Variants in PCDH15 observed in about 807,000 individuals in gnomAD.
PCDH15 encodes protocadherin related 15.
A neutral mutation model predicts 178.5 loss-of-function variants in PCDH15; 129 were observed. The observed-to-expected ratio is 0.72, with a 90% CI of 0.63 to 0.84. The LOEUF (loss-of-function observed/expected upper bound fraction) is 0.84, where lower values mean the gene tolerates loss of function less well. Among genes scored for constraint, PCDH15 ranks in the 40% least tolerant of loss-of-function variants. The probability of loss-of-function intolerance (pLI) is 0.00; values close to 1 mark genes in which losing one functional copy is unlikely to be tolerated. For synonymous variants in PCDH15, 800 were observed against 732.0 expected (o/e 1.09, Z -1.50); for missense variants, 2,230 against 2,099.9 (o/e 1.06, Z -1.21).
chr10:54,541,840 G>A lies in PCDH15; in HGVS notation c.92-13963C>T, dbSNP rs558220349. Among the ~76,000 whole-genome samples, 12 of 152,072 alleles carry A rather than the reference G, an allele frequency of 7.9e-5. No individual in the cohort carries two copies. The South Asian group carries it at 2.5e-3, about 32-fold the overall frequency. ...TGATTCTTACTAAGACACTCAACAA[G>A]GTCAAAAGATAAAAGCTGCAGAATC... is the stretch of plus-strand genomic sequence containing the variant. On this transcript the variant is annotated intron_variant, in intron 2 of 37. Transcript: ENST00000644397.
Position 55,185,159 on chromosome 10 carries a change from G to T in PCDH15, c.-155-18508C>A, listed in dbSNP as rs149565957. 1.7e-3 allele frequency among the ~76,000 whole-genome samples: 257 copies of T among 151,862 alleles called. 2 individuals carry two copies. Among genetic ancestry groups the T allele is most frequent in the South Asian group, 0.015 (73 of 4,828 alleles). ...AAACCAATAAACTGAAATTGTATTT[G>T]GAATTTAATAGAAACTGTTTTGTAA... is the stretch of plus-strand genomic sequence containing the variant. On this transcript the variant is annotated intron_variant, in intron 1 of 5. Coordinates refer to the PCDH15 transcript ENST00000458638.
chr10:54,189,643 A>G (rs1230107772), intron 11 of PCDH15, among the ~76,000 whole-genome samples: 1 of 152,158 alleles, frequency 6.6e-6, no homozygotes, highest in Non-Finnish European at 1.5e-5. Flanking sequence ...AAGCAGAGAA[A>G]CAAATTTACA....
chr10:54,297,889 C>T (rs1444209482), intron 8 of PCDH15, among the ~76,000 whole-genome samples: 4 of 152,120 alleles, frequency 2.6e-5, no homozygotes, highest in Admixed American at 1.3e-4. Flanking sequence ...AAGAATGTGG[C>T]TTTAGCTGCA....
chr10:55,415,097 A>G (rs1838444593), intron 2 of PCDH15, among the ~76,000 whole-genome samples: 1 of 151,610 alleles, frequency 6.6e-6, no homozygotes, highest in African/African-American at 2.4e-5. Flanking sequence ...TTTTGTGCCT[A>G]ATTTAACAAG....
chr10:55,283,169 G>A (rs1203610657), intron 1 of PCDH15, among the ~76,000 whole-genome samples: 1 of 152,058 alleles, frequency 6.6e-6, no homozygotes, highest in Non-Finnish European at 1.5e-5. Context: ...ATCAGTGTTT[G>A]AGATATTTCG....
intron 2 of PCDH15, among the ~76,000 whole-genome samples, chr10:55,505,429 T>A (rs1589090308): frequency 6.6e-6 from 1 of 151,442 alleles, no homozygotes; most frequent in African/African-American, 2.4e-5. Context: ...AAGACTAATA[T>A]AAAATAATTT....
At chr10:54,104,361 A>T (rs2094869488) in intron 15 of PCDH15, among the ~76,000 whole-genome samples, 1 of 152,146 alleles carries the variant, frequency 6.6e-6, no homozygotes, top group Non-Finnish European at 1.5e-5. Flanking sequence ...CCCTCACTTT[A>T]ACAGGGGACA....
intron 2 of PCDH15, among the ~76,000 whole-genome samples, chr10:54,608,439 A>G (rs2092844285): frequency 6.6e-6 from 1 of 151,950 alleles, no homozygotes; most frequent in Admixed American, 6.6e-5. Context: ...AAACCTCATC[A>G]CTACAGATAA....
At chr10:54,235,093 G>C (rs547762338) in intron 9 of PCDH15, among the ~76,000 whole-genome samples, 1 of 152,272 alleles carries the variant, frequency 6.6e-6, no homozygotes, top group Admixed American at 6.5e-5. Flanking sequence ...AACTTCCTCA[G>C]CTTCTGTAAG....
At chr10:54,941,405 C>A (rs1838059564) in intron 2 of PCDH15, among the ~76,000 whole-genome samples, 1 of 152,028 alleles carries the variant, frequency 6.6e-6, no homozygotes, top group African/African-American at 2.4e-5. Context: ...AACATCTGTA[C>A]TTTTCAATTC....
chr10:54,159,746 T>A (rs1388404180), intron 13 of PCDH15, among the ~76,000 whole-genome samples: 8 of 152,290 alleles, frequency 5.3e-5, no homozygotes, highest in African/African-American at 1.7e-4. Context: ...AGTGGTAGAA[T>A]TGTCCCTGTA....
intron 3 of PCDH15, among the ~76,000 whole-genome samples, chr10:54,487,920 G>A (rs142936035): frequency 6.6e-6 from 1 of 151,850 alleles, no homozygotes; most frequent in Non-Finnish European, 1.5e-5. Flanking sequence ...TATGCAAAAT[G>A]CTGATAAGCA....
intron 13 of PCDH15, among the ~76,000 whole-genome samples, chr10:54,176,974 A>G (rs938191117): frequency 8.5e-5 from 13 of 152,068 alleles, no homozygotes; most frequent in African/African-American, 2.7e-4. Context: ...AAAACTTAGC[A>G]TGGATGATTA....
At chr10:54,101,610 T>C (rs916166062) in intron 15 of PCDH15, among the ~76,000 whole-genome samples, 24 of 151,936 alleles carry the variant, frequency 1.6e-4, no homozygotes, top group Non-Finnish European at 7.4e-5. Flanking sequence ...AATGACAAAG[T>C]GAGGAGCTAC....
chr10:55,019,326 A>T lies in PCDH15; in HGVS notation c.-79-121826T>A, dbSNP rs1840267251. ...CACTTCAAACATAATACAACATTTG[A>T]ACTCATGTGTTTTTGTTTGTTTGTT... is the stretch of plus-strand genomic sequence containing the variant. On this transcript the variant is annotated intron_variant, in intron 2 of 5. Coordinates refer to the PCDH15 transcript ENST00000458638. Among the ~76,000 whole-genome samples, 4 of 152,094 alleles carry T rather than the reference A, an allele frequency of 2.6e-5. No individual in the cohort carries two copies. The South Asian group carries it at 8.3e-4, about 31-fold the overall frequency.
Position 55,188,988 on chromosome 10 carries a change from C to T in PCDH15, c.-155-22337G>A, listed in dbSNP as rs141911004. On this transcript the variant is annotated intron_variant, in intron 1 of 5. Coordinates refer to the PCDH15 transcript ENST00000458638. ...AATAAAAAAGAGAAAAATAATTATT[C>T]ATATCAGATGAGCTTTTCATATTAT... Among the ~76,000 whole-genome samples the T allele has an allele frequency of 3.1e-3, 465 of 151,870 alleles. 1 individual carries two copies. Among genetic ancestry groups the T allele is most frequent in the African/African-American group, 0.011 (441 of 41,464 alleles).
At chr10:54,053,196 A>C (rs1300854390) in intron 18 of PCDH15, among the ~76,000 whole-genome samples, 1 of 152,212 alleles carries the variant, frequency 6.6e-6, no homozygotes, top group Non-Finnish European at 1.5e-5. Context: ...ATTTGTCAAG[A>C]GAACTTATTT....
intron 2 of PCDH15, among the ~76,000 whole-genome samples, chr10:55,411,101 A>G (rs185950261): frequency 6.6e-6 from 1 of 152,306 alleles, no homozygotes; most frequent in African/African-American, 2.4e-5. Flanking sequence ...ACAGGATTTC[A>G]TGTCCTTAGT....
At chr10:53,820,960 T>C (rs2076239303) in intron 32 of PCDH15, 2 of 380,274 alleles carry the variant, frequency 5.3e-6, no homozygotes, top group African/African-American at 2.2e-5. Context: ...ATTTCATTTA[T>C]TAAACTGAAG....
Sources: gnomAD v4.1 joint callset for allele counts (sites outside exome capture counted in the v4.1 genomes callset) on GRCh38, gnomAD v4.1.1 for gene constraint, MANE v1.5 for transcripts, NCBI Gene and HGNC (gene_info 2026-07-23, HGNC 2026-07-21) for gene names.